The following KIRREL3 variants were observed in gnomAD, a reference collection of about 807,000 sequenced individuals.
KIRREL3 encodes the protein kin of IRRE-like protein 3.
In KIRREL3, 36 loss-of-function variants were observed where a neutral mutation model predicts 89.7. The observed-to-expected ratio is 0.40, with a 90% CI of 0.31 to 0.53. KIRREL3 has a LOEUF of 0.53. KIRREL3 is among the 20% of genes least tolerant of loss of function. KIRREL3 has a pLI of 0.49. For missense variants in KIRREL3, 864 were observed against 1,056.6 expected (o/e 0.82, Z 2.53); for synonymous variants, 445 against 441.4 (o/e 1.01, Z -0.10).
chr11:126,816,628 T>A (rs1024231068), intron 1 of KIRREL3, among the ~76,000 whole-genome samples: 3 of 152,218 alleles, frequency 2.0e-5, no homozygotes, highest in African/African-American at 7.2e-5. Flanking sequence ...AACCCAGGAA[T>A]CTCCCACGTG....
At chr11:126,538,172 C>T (rs1938065532) in intron 2 of KIRREL3, among the ~76,000 whole-genome samples, 1 of 152,242 alleles carries the variant, frequency 6.6e-6, no homozygotes, top group Non-Finnish European at 1.5e-5. Context: ...GCCTCTTCTG[C>T]TCATCCGGGT....
In KIRREL3 at chr11:126,739,643, G is replaced by A. The variant is rs1592054616; in HGVS notation, c.56-176731C>T. Among the ~76,000 whole-genome samples the A allele has an allele frequency of 6.6e-6, 1 of 152,330 alleles. No homozygotes were observed. The highest frequency in any genetic ancestry group is 1.9e-4 in the East Asian group (1 of 5,186). On this transcript the variant is annotated intron_variant, in intron 1 of 16. Transcript: ENST00000525144. The surrounding 1 kb of genome is among the most constrained non-coding windows in gnomAD (Gnocchi z 5.5). ...TCTGTAATTTGGGCAGGAGTGAGGA[G>A]AAGGAAACCACAGTTAAGGTATGTG... is the stretch of plus-strand genomic sequence containing the variant.
chr11:126,440,807 G>A, intron 10 of KIRREL3: 5 of 564,054 alleles, frequency 8.9e-6, no homozygotes, highest in Middle Eastern at 4.4e-4. Flanking sequence ...AATAAAAGGT[G>A]GTGAGTGTTA....
At chr11:126,604,274 A>T (rs1488197029) in intron 1 of KIRREL3, among the ~76,000 whole-genome samples, 2 of 152,190 alleles carry the variant, frequency 1.3e-5, no homozygotes, top group Non-Finnish European at 2.9e-5. Flanking sequence ...ACACGTGGGA[A>T]TGGGCAGGAA....
rs71472005 is a variant in KIRREL3 at position 126,921,391 on chromosome 11, G to GTATCTATCTACC, written c.55+79063_55+79064insGGTAGATAGATA. Among the ~76,000 whole-genome samples, 584 of 144,136 alleles carry GTATCTATCTACC rather than the reference G, an allele frequency of 4.1e-3. 4 individuals are homozygous for GTATCTATCTACC. The highest frequency in any genetic ancestry group is 0.028 in the Middle Eastern group (8 of 284). 94.6% of individuals were successfully genotyped at this position (144,136 alleles called of 152,430 possible). A position where few individuals can be genotyped will look rare whatever the true frequency, so the allele number is the denominator to read the frequency against. ...CTGATAAATTCCCTCATCCTGTCTT[G>GTATCTATCTACC]TATCTATCTATCTATCTATCTATCT... On this transcript the variant is annotated intron_variant, in intron 1 of 16. Transcript: ENST00000525144.
chr11:126,451,753 C>G (rs868817458), intron 7 of KIRREL3, among the ~76,000 whole-genome samples: 1 of 152,204 alleles, frequency 6.6e-6, no homozygotes, highest in Non-Finnish European at 1.5e-5. Context: ...GGCTTCCTTA[C>G]GGATCTCCAG....
At chr11:126,665,906 C>A (rs1945641228) in intron 1 of KIRREL3, among the ~76,000 whole-genome samples, 1 of 152,202 alleles carries the variant, frequency 6.6e-6, no homozygotes, top group Admixed American at 6.5e-5. Flanking sequence ...TCATAATAGA[C>A]CCATCACCTT....
Position 126,755,978 on chromosome 11 carries a change from A to G in KIRREL3, c.56-193066T>C, listed in dbSNP as rs185843969. Among the ~76,000 whole-genome samples the G allele has an allele frequency of 1.1e-4, 16 of 152,332 alleles. No individual in the cohort carries two copies. In the East Asian group the frequency reaches 1.2e-3, roughly 11 times the overall value. On this transcript the variant is annotated intron_variant, in intron 1 of 16. Coordinates refer to ENST00000525144, the MANE Select transcript of KIRREL3 (RefSeq NM_032531.4). This position sits in a 1 kb window ranked among gnomAD's most constrained non-coding sequence, Gnocchi z 4.3. ...TCACATCTAGGTGTTATCTTGATAT[A>G]AGAACAGGTATCATTAATTGACTAG...
chr11:126,933,948 T>C (rs929443933), intron 1 of KIRREL3, among the ~76,000 whole-genome samples: 2 of 150,974 alleles, frequency 1.3e-5, no homozygotes, highest in Non-Finnish European at 2.9e-5. Context: ...TCCCCTAAAA[T>C]TGACAATCAA....
At chr11:126,829,190 G>A (rs892626946) in intron 1 of KIRREL3, among the ~76,000 whole-genome samples, 8 of 152,198 alleles carry the variant, frequency 5.3e-5, no homozygotes, top group African/African-American at 1.9e-4. Flanking sequence ...AGGAGAGCCT[G>A]AGCTCCTGCG....
intron 9 of KIRREL3, among the ~76,000 whole-genome samples, chr11:126,446,289 T>C (rs867140950): frequency 3.6e-4 from 46 of 129,242 alleles, no homozygotes; most frequent in Middle Eastern, 7.8e-3. Flanking sequence ...CTTTCTCCTT[T>C]CTTTCTTTCT....
rs1295613191 is a variant in KIRREL3, at chr11:126,441,380, T to C, written c.1253-831A>G. On this transcript the variant is annotated intron_variant, in intron 10 of 16. Transcript: ENST00000525144. This position sits in a 1 kb window ranked among gnomAD's most constrained non-coding sequence, Gnocchi z 5.0. ...GGGGAGCCTGTTCCCCAGCGCCTCC[T>C]GTCCAGTTCCGCCTGTTACCTAACC... 6.6e-6 allele frequency among the ~76,000 whole-genome samples: 1 copy of C among 152,246 alleles called. No individual in the cohort carries two copies. The highest frequency in any genetic ancestry group is 6.5e-5 in the Admixed American group (1 of 15,284).
intron 12 of KIRREL3, among the ~76,000 whole-genome samples, chr11:126,436,572 C>G (rs776138608): frequency 2.2e-4 from 33 of 152,374 alleles, no homozygotes; most frequent in Non-Finnish European, 4.3e-4. Flanking sequence ...AAGGGCTGCC[C>G]CTCTGAGCTG....
At chr11:126,721,640 C>T (rs770947530) in intron 1 of KIRREL3, among the ~76,000 whole-genome samples, 23 of 152,152 alleles carry the variant, frequency 1.5e-4, no homozygotes, top group Non-Finnish European at 2.6e-4. Flanking sequence ...AGCAAAGAAG[C>T]CTGCTCAAGA....
chr11:126,446,170 A>T (rs1377680765), intron 9 of KIRREL3, among the ~76,000 whole-genome samples: 2 of 142,952 alleles, frequency 1.4e-5, no homozygotes, highest in South Asian at 4.4e-4. Context: ...AAAAAAAAAA[A>T]TGGAACACAG....
intron 1 of KIRREL3, among the ~76,000 whole-genome samples, chr11:126,792,885 T>G (rs1950689928): frequency 6.6e-6 from 1 of 152,028 alleles, no homozygotes; most frequent in African/African-American, 2.4e-5. Flanking sequence ...AAAAAACTAA[T>G]AAGAAGATGA....
intron 1 of KIRREL3, among the ~76,000 whole-genome samples, chr11:126,972,168 T>TAGAGAGAGAGAGAGAGAGAGAG (rs61426707): frequency 0.011 from 1,332 of 119,738 alleles, 88 homozygotes; most frequent in Middle Eastern, 0.022. Context: ...GAGGGTCTGG[T>TAGAGAGAGAGAGAGAGAGAGAG]AGAGAGAGAG....
chr11:126,518,864 G>T (rs1958501860), intron 4 of KIRREL3, among the ~76,000 whole-genome samples: 1 of 152,262 alleles, frequency 6.6e-6, no homozygotes, highest in Non-Finnish European at 1.5e-5. Context: ...GACCAGCTGG[G>T]TTGGGGACCT....
chr11:126,481,807 C>T (rs1361469937), intron 4 of KIRREL3, among the ~76,000 whole-genome samples: 4 of 152,210 alleles, frequency 2.6e-5, no homozygotes, highest in Non-Finnish European at 5.9e-5. Context: ...GAATATTCAC[C>T]TATCCAGTCA....
Sources: gnomAD v4.1 joint callset for allele counts (sites outside exome capture counted in the v4.1 genomes callset) on GRCh38, gnomAD v4.1.1 for gene constraint, Gnocchi (gnomAD v3.1) non-coding constraint, MANE v1.5 for transcripts, NCBI Gene and HGNC (gene_info 2026-07-23, HGNC 2026-07-21) for gene names.